NHSL2: variants seen among roughly 807,000 people sequenced by gnomAD.
NHSL2 encodes NHS-like protein 2.
Under a neutral mutation model 53.4 loss-of-function variants are expected in NHSL2, and 27 were observed. The ratio of observed to expected loss-of-function variants is 0.51; its 90% CI spans 0.37 to 0.70. The LOEUF is 0.70. Among genes scored for constraint, NHSL2 ranks in the 30% least tolerant of loss-of-function variants. The pLI is 0.00. For synonymous variants in NHSL2, 408 were observed against 404.1 expected (o/e 1.01, Z -0.12); for missense variants, 892 against 980.1 (o/e 0.91, Z 1.20).
intron 1 of NHSL2, among the ~76,000 whole-genome samples, chrX:71,999,269 CTG>C (rs2042062624): frequency 8.9e-6 from 1 of 112,408 alleles, no homozygotes; most frequent in Admixed American, 9.4e-5. Flanking sequence ...CAGGCAAGGA[CTG>C]TGTTTTGGTC....
intron 1 of NHSL2, among the ~76,000 whole-genome samples, chrX:72,069,266 G>A (rs1453834266): frequency 5.4e-5 from 6 of 111,185 alleles, no homozygotes; most frequent in African/African-American, 1.6e-4. Context: ...CGGGTCCCGG[G>A]GGGTGCCTGT....
At chrX:72,085,815 C>T (rs1203410031) in intron 1 of NHSL2, among the ~76,000 whole-genome samples, 4 of 107,351 alleles carry the variant, frequency 3.7e-5, no homozygotes, top group African/African-American at 1.4e-4. Context: ...TGCAGCTGCT[C>T]CCTACTCCCT....
chrX:71,997,242 T>C (rs1231439163), intron 1 of NHSL2, among the ~76,000 whole-genome samples: 2 of 110,781 alleles, frequency 1.8e-5, no homozygotes, highest in African/African-American at 6.6e-5. Context: ...ACGACAACAA[T>C]GGGGGAAGAA....
chrX:72,138,820 G>A lies in NHSL2; in HGVS notation c.1272G>A (p.Trp424Ter), dbSNP rs1379683923. 8.3e-7 allele frequency: 1 copy of A among 1,209,156 alleles called. No homozygotes were observed. ...AAAATCCTTCCTGTGGGAATTCTTG[G>A]GTCTCTCTAAACAAAGTCCCACCTC... ...NGKNPSCGNS[W>*]VSLNKVPPLV... The change falls in exon 6 of 8, where the codon TGG (tryptophan) becomes TGA (stop). Residue 424 changes from tryptophan to a stop codon, truncating the protein, a stop_gained. Transcript: ENST00000633930. LOFTEE classifies it high-confidence loss of function.
intron 1 of NHSL2, among the ~76,000 whole-genome samples, chrX:71,979,879 G>T (rs1325804573): frequency 2.7e-5 from 3 of 110,874 alleles, no homozygotes; most frequent in Non-Finnish European, 5.7e-5. Context: ...TTCTTCTAGG[G>T]TTTTTATGGT....
intron 1 of NHSL2, among the ~76,000 whole-genome samples, chrX:71,965,449 AT>A (rs2041896815): frequency 8.9e-6 from 1 of 112,428 alleles, no homozygotes; most frequent in African/African-American, 3.2e-5. Context: ...TGTGCCTTTT[AT>A]TCTGTTCCAT....
At chrX:71,984,398 A>C (rs1051395331) in intron 1 of NHSL2, among the ~76,000 whole-genome samples, 4 of 112,315 alleles carry the variant, frequency 3.6e-5, no homozygotes, top group African/African-American at 1.3e-4. Flanking sequence ...CTAGTAAACT[A>C]AATTAGAAAG....
chrX:72,130,386 TTCCTCCTTCTTCATCTCCTCC>T (rs1175071388), intron 1 of NHSL2: 1 of 1,171,193 alleles, frequency 8.5e-7, no homozygotes, highest in Non-Finnish European at 1.1e-6. Flanking sequence ...TCTTCATTTC[TTCCTCCTTCTTCATCTCCTCC>T]TCCTCCTTCT....
intron 1 of NHSL2, among the ~76,000 whole-genome samples, chrX:72,059,309 C>T (rs1006343937): frequency 8.1e-5 from 9 of 111,079 alleles, no homozygotes; most frequent in Non-Finnish European, 1.7e-4. Context: ...CGGCCCCTCT[C>T]CAATCAGCCT....
In NHSL2 at chrX:72,148,868, GTGTGTGTGTGTA is replaced by G. The variant is rs1297637348; in HGVS notation, c.*5299_*5310del. On this transcript the variant is annotated 3_prime_UTR_variant, in exon 8 of 8. Coordinates refer to ENST00000633930, the MANE Select transcript of NHSL2 (RefSeq NM_001013627.3). ...TGTGTGTGTGTGTGTGTGTGTGTGT[GTGTGTGTGTGTA>G]TGTGCATTCCAGTGATGTTACTCCT... 3 of 108,186 alleles carry G rather than the reference GTGTGTGTGTGTA, an allele frequency of 2.8e-5. No homozygotes were observed. The highest frequency in any genetic ancestry group is 6.8e-5 in the African/African-American group (2 of 29,574). The allele number at this position is 108,186 out of a possible 1,213,427, so 8.9% of individuals were successfully genotyped here. A position where few individuals can be genotyped will look rare whatever the true frequency, so the allele number is the denominator to read the frequency against.
chrX:71,924,778 C>T lies in NHSL2; in HGVS notation c.280+13411C>T, dbSNP rs1336678988. Reference sequence around the variant, plus strand: ...GAAAGAGCCCTGATTATGAACTTGGCTTACTTTGCTAATTTTGCCCAATGT... The same window carrying T: ...GAAAGAGCCCTGATTATGAACTTGGTTTACTTTGCTAATTTTGCCCAATGT... On this transcript the variant is annotated intron_variant, in intron 1 of 7. Coordinates refer to ENST00000633930, the MANE Select transcript of NHSL2 (RefSeq NM_001013627.3). Among the ~76,000 whole-genome samples, 4 of 112,438 alleles carry T rather than the reference C, an allele frequency of 3.6e-5. No homozygotes were observed. The South Asian group carries it at 1.1e-3, about 31-fold the overall frequency.
chrX:72,021,238 A>G (rs2042158943), intron 1 of NHSL2, among the ~76,000 whole-genome samples: 1 of 112,464 alleles, frequency 8.9e-6, no homozygotes. Context: ...CAGTCACCAA[A>G]TGGAATTGGT....
chrX:72,027,390 A>G (rs992822341), intron 1 of NHSL2: 1 of 111,671 alleles, frequency 9.0e-6, no homozygotes, highest in African/African-American at 3.3e-5. Flanking sequence ...CCCCACCTCC[A>G]AAGCGGAGAC....
chrX:72,019,790 G>C (rs1437578211), intron 1 of NHSL2, among the ~76,000 whole-genome samples: 1 of 112,031 alleles, frequency 8.9e-6, no homozygotes, highest in Non-Finnish European at 1.9e-5. Flanking sequence ...GGAAAGGATA[G>C]GGCTGGCTCT....
At chrX:72,012,511 A>G in intron 1 of NHSL2, among the ~76,000 whole-genome samples, 1 of 112,566 alleles carries the variant, frequency 8.9e-6, no homozygotes, top group South Asian at 3.6e-4. Flanking sequence ...GCTTATGGCC[A>G]TGTCACTGCA....
intron 1 of NHSL2, among the ~76,000 whole-genome samples, chrX:72,125,856 A>G (rs1472962667): frequency 1.8e-5 from 2 of 112,241 alleles, no homozygotes; most frequent in African/African-American, 6.5e-5. Context: ...GCTTCCAGAG[A>G]TGGTGCACCT....
At chrX:72,080,355 C>G (rs1371337001) in intron 1 of NHSL2, 1 of 111,751 alleles carries the variant, frequency 8.9e-6, no homozygotes, top group Non-Finnish European at 1.9e-5. Context: ...GCTTTCTGCA[C>G]TCACAGCTAT....
chrX:71,988,786 G>A (rs1225304142), intron 1 of NHSL2, among the ~76,000 whole-genome samples: 1 of 111,220 alleles, frequency 9.0e-6, no homozygotes, highest in Non-Finnish European at 1.9e-5. Context: ...TGGATCTCGC[G>A]CAAGAAAGAA....
At chrX:71,989,537 G>A (rs2042018411) in intron 1 of NHSL2, among the ~76,000 whole-genome samples, 1 of 111,396 alleles carries the variant, frequency 9.0e-6, no homozygotes, top group Admixed American at 9.5e-5. Context: ...CTGGTAGGGG[G>A]TCAAGCTGAG....
Sources: gnomAD v4.1 joint callset for allele counts (sites outside exome capture counted in the v4.1 genomes callset) on GRCh38, gnomAD v4.1.1 for gene constraint, MANE v1.5 for transcripts, NCBI Gene and HGNC (gene_info 2026-07-23, HGNC 2026-07-21) for gene names.